OPCML: variants seen among roughly 807,000 people sequenced by gnomAD.
OPCML encodes opioid-binding protein/cell adhesion molecule.
Under a neutral mutation model 37.8 loss-of-function variants are expected in OPCML, and 13 were observed. The observed-to-expected ratio is 0.34, with a 90% CI of 0.22 to 0.55. OPCML has a LOEUF of 0.55. OPCML is among the 20% of genes least tolerant of loss of function. The pLI is 0.91. For missense variants in OPCML, 341 were observed against 435.6 expected (o/e 0.78, Z 1.93); for synonymous variants, 176 against 168.8 (o/e 1.04, Z -0.33).
chr11:132,588,852 C>T (rs2096478879), intron 3 of OPCML, among the ~76,000 whole-genome samples: 1 of 152,160 alleles, frequency 6.6e-6, no homozygotes, highest in Non-Finnish European at 1.5e-5. Context: ...ACAGATATAT[C>T]TCCCAGAAGC....
intron 3 of OPCML, among the ~76,000 whole-genome samples, chr11:132,534,558 G>A (rs1384071054): frequency 6.6e-6 from 1 of 152,144 alleles, no homozygotes; most frequent in Non-Finnish European, 1.5e-5. Flanking sequence ...AAGTTAGTTG[G>A]GATTGAAATG....
At chr11:133,312,815 A>T (rs1943097038) in intron 1 of OPCML, among the ~76,000 whole-genome samples, 1 of 152,176 alleles carries the variant, frequency 6.6e-6, no homozygotes. Context: ...AAGTAATATA[A>T]ACAGTCATTT....
intron 4 of OPCML, among the ~76,000 whole-genome samples, chr11:132,507,662 A>T (rs1166151712): frequency 6.6e-6 from 1 of 151,312 alleles, no homozygotes; most frequent in Non-Finnish European, 1.5e-5. Context: ...CTATAGAGAC[A>T]ATTTTTCTCT....
chr11:132,851,449 A>G (rs1214776483), intron 2 of OPCML, among the ~76,000 whole-genome samples: 2 of 152,170 alleles, frequency 1.3e-5, no homozygotes, highest in Non-Finnish European at 2.9e-5. Context: ...TGGGTGGTGC[A>G]GTGTGGACGA....
At chr11:133,516,694 AGAGCCG>A (rs1948281378) in intron 1 of OPCML, among the ~76,000 whole-genome samples, 1 of 152,142 alleles carries the variant, frequency 6.6e-6, no homozygotes, top group African/African-American at 2.4e-5. Context: ...GAGCCGGTGC[AGAGCCG>A]GGACAGAGCG....
rs187418342 is a variant in OPCML at position 133,392,550 on chromosome 11, G to A, written c.61+139714C>T. Among the ~76,000 whole-genome samples, 815 of 152,324 alleles carry A rather than the reference G, an allele frequency of 5.4e-3. 3 individuals are homozygous for A. The highest frequency in any genetic ancestry group is 9.3e-3 in the Non-Finnish European group (631 of 68,032). Reference sequence around the variant, plus strand: ...ACATGGGGTCACCTGTCCTCCACACGTGTGCTTCAGGGGGACCTGAGCCCC... The same window carrying A: ...ACATGGGGTCACCTGTCCTCCACACATGTGCTTCAGGGGGACCTGAGCCCC... On this transcript the variant is annotated intron_variant, in intron 1 of 7. Transcript: ENST00000524381.
chr11:133,291,949 G>T (rs953924467), intron 1 of OPCML, among the ~76,000 whole-genome samples: 7 of 152,226 alleles, frequency 4.6e-5, no homozygotes, highest in African/African-American at 1.7e-4. Flanking sequence ...GTCTGTGAAG[G>T]CACAGTGGTA....
chr11:132,890,023 G>T (rs1008734547), intron 2 of OPCML, among the ~76,000 whole-genome samples: 7 of 152,204 alleles, frequency 4.6e-5, no homozygotes, highest in Non-Finnish European at 8.8e-5. Context: ...TTAGGAAAGA[G>T]ATTCTGGATG....
At chr11:132,528,991 C>T in intron 4 of OPCML, 70 bp downstream of exon 4, 1 of 857,666 alleles carries the variant, frequency 1.2e-6, no homozygotes, top group Non-Finnish European at 1.9e-6. Context: ...ATTCCTGAAG[C>T]TCTGTTGTGC....
chr11:133,403,907 T>C (rs1945464870), intron 1 of OPCML, among the ~76,000 whole-genome samples: 1 of 152,238 alleles, frequency 6.6e-6, no homozygotes, highest in African/African-American at 2.4e-5. Flanking sequence ...TCCTAGGTGT[T>C]GTGTTAGATG....
chr11:133,274,231 G>A (rs1941930232), intron 1 of OPCML, among the ~76,000 whole-genome samples: 1 of 152,170 alleles, frequency 6.6e-6, no homozygotes, highest in Non-Finnish European at 1.5e-5. Flanking sequence ...AAGCTGTGTT[G>A]AAGTCCTATT....
At chr11:132,733,889 G>A (rs1945167492) in intron 2 of OPCML, among the ~76,000 whole-genome samples, 1 of 152,134 alleles carries the variant, frequency 6.6e-6, no homozygotes, top group Non-Finnish European at 1.5e-5. Context: ...GAACATATGA[G>A]ACAGTCAAAA....
intron 1 of OPCML, among the ~76,000 whole-genome samples, chr11:133,402,093 A>G (rs981843649): frequency 6.6e-6 from 1 of 152,204 alleles, no homozygotes. Flanking sequence ...TGGGTAATTT[A>G]TAAAGAACAG....
At chr11:132,876,801 T>A (rs941794950) in intron 2 of OPCML, among the ~76,000 whole-genome samples, 1 of 152,110 alleles carries the variant, frequency 6.6e-6, no homozygotes. Flanking sequence ...CAGAACACAA[T>A]GCCATCAGGG....
At chr11:133,036,817 G>A (rs1565411102) in intron 1 of OPCML, among the ~76,000 whole-genome samples, 2 of 152,180 alleles carry the variant, frequency 1.3e-5, no homozygotes, top group Non-Finnish European at 2.9e-5. Flanking sequence ...GGGAATGGGA[G>A]GGCAGCCTGG....
At chr11:133,076,753 G>T (rs569960076) in intron 1 of OPCML, among the ~76,000 whole-genome samples, 1 of 152,196 alleles carries the variant, frequency 6.6e-6, no homozygotes, top group Admixed American at 6.5e-5. Context: ...GCTCAGAGAA[G>T]CTAAGTGACT....
intron 1 of OPCML, among the ~76,000 whole-genome samples, chr11:133,304,302 A>G (rs1942857103): frequency 6.6e-6 from 1 of 152,204 alleles, no homozygotes; most frequent in South Asian, 2.1e-4. Context: ...ATAATCACAT[A>G]TAACATTTAT....
intron 1 of OPCML, among the ~76,000 whole-genome samples, chr11:133,415,325 G>A (rs1183540458): frequency 2.0e-5 from 3 of 151,934 alleles, no homozygotes; most frequent in Admixed American, 6.6e-5. Flanking sequence ...CAGGAGAATG[G>A]CATGAACCCA....
At chr11:133,183,141 T>A (rs1937913510) in intron 1 of OPCML, among the ~76,000 whole-genome samples, 1 of 152,212 alleles carries the variant, frequency 6.6e-6, no homozygotes, top group African/African-American at 2.4e-5. Flanking sequence ...AAAAGGAAAC[T>A]TTATGAGTCC....
Sources: gnomAD v4.1 joint callset for allele counts (sites outside exome capture counted in the v4.1 genomes callset) on GRCh38, gnomAD v4.1.1 for gene constraint, MANE v1.5 for transcripts, NCBI Gene and HGNC (gene_info 2026-07-23, HGNC 2026-07-21) for gene names.